The following PTPRD variants were observed in gnomAD, a reference collection of about 807,000 sequenced individuals.
PTPRD encodes receptor-type tyrosine-protein phosphatase delta.
PTPRD carries 34 observed loss-of-function variants against 214.5 expected under a neutral mutation model. That is an observed-to-expected ratio of 0.16 (90% CI 0.12 to 0.21). The LOEUF is 0.21. Among genes scored for constraint, PTPRD ranks in the 10% least tolerant of loss-of-function variants. The probability of loss-of-function intolerance (pLI) is 1.00; values close to 1 mark genes in which losing one functional copy is unlikely to be tolerated. For missense variants in PTPRD, 2,545 were observed against 2,398.7 expected (o/e 1.06, Z -1.27); for synonymous variants, 1,128 against 845.7 (o/e 1.33, Z -5.79).
At chr9:9,923,972 G>T (rs1269668112) in intron 5 of PTPRD, among the ~76,000 whole-genome samples, 2 of 151,680 alleles carry the variant, frequency 1.3e-5, no homozygotes, top group South Asian at 2.1e-4. Context: ...AACATATGAA[G>T]GATGGAATTA....
At chr9:9,139,997 T>C (rs2099857340) in intron 10 of PTPRD, among the ~76,000 whole-genome samples, 1 of 152,126 alleles carries the variant, frequency 6.6e-6, no homozygotes, top group Non-Finnish European at 1.5e-5. Context: ...ATTGTATATA[T>C]ACCTCCCGCT....
chr9:9,947,303 T>TA lies in PTPRD; in HGVS notation c.-471-8694_-471-8693insT, dbSNP rs1566613747. On this transcript the variant is annotated intron_variant, in intron 4 of 45. Transcript: ENST00000381196. Reference sequence around the variant, plus strand: ...ATGTGCTCTGGAGATTATATATATATTTTATATATATATTATATATATTAT... The same window carrying TA: ...ATGTGCTCTGGAGATTATATATATATATTTATATATATATTATATATATTAT... 3.1e-5 allele frequency among the ~76,000 whole-genome samples: 3 copies of TA among 95,962 alleles called. No homozygotes were observed. In the Admixed American group the frequency reaches 5.3e-4, roughly 17 times the overall value. The allele number at this position is 95,962 out of a possible 152,430, so 63.0% of individuals were successfully genotyped here.
chr9:9,244,610 T>A (rs2099972093), intron 9 of PTPRD, among the ~76,000 whole-genome samples: 2 of 152,164 alleles, frequency 1.3e-5, no homozygotes, highest in Admixed American at 1.3e-4. Flanking sequence ...CTGGAACCCT[T>A]CCTTACACCT....
intron 9 of PTPRD, among the ~76,000 whole-genome samples, chr9:9,284,806 T>A (rs1479929770): frequency 6.6e-6 from 1 of 151,756 alleles, no homozygotes; most frequent in East Asian, 2.0e-4. Flanking sequence ...ACCTTAACCT[T>A]TCCCAGCTTT....
chr9:10,574,832 A>ATATC lies in PTPRD; in HGVS notation c.-600+37565_-600+37566insGATA, dbSNP rs147563782. Among the ~76,000 whole-genome samples, 295 of 148,720 alleles carry ATATC rather than the reference A, an allele frequency of 2.0e-3. 1 individual carries two copies. The highest frequency in any genetic ancestry group is 7.0e-3 in the African/African-American group (284 of 40,390). On this transcript the variant is annotated intron_variant, in intron 2 of 45. Transcript: ENST00000381196. ...TGTGTGCATATATATATATATATAT[A>ATATC]TCTTAGATTCTCTTTCTTCCCCCCA...
At chr9:9,146,600 A>T (rs532522693) in intron 10 of PTPRD, among the ~76,000 whole-genome samples, 1 of 152,196 alleles carries the variant, frequency 6.6e-6, no homozygotes, top group East Asian at 1.9e-4. Flanking sequence ...GCTCGAAGGG[A>T]CCTTGGAGAT....
Position 8,404,640 on chromosome 9 carries a change from C to A in PTPRD, c.4107G>T (p.Gln1369His), listed in dbSNP as rs1263318118. Residue 1369 changes from glutamine (Q) to histidine (H), a missense_variant, in exon 36 of 46, where the codon CAG becomes CAT. Coordinates refer to ENST00000381196, the MANE Select transcript of PTPRD (RefSeq NM_002839.4). ...CCAAGTTTGAATGTTCCCAAGTGAA[C>A]TGCTGGCCAGGGTCAATTGACTTTA... ...QEYESIDPGQ[Q>H]FTWEHSNLEV... 5.6e-6 allele frequency: 9 copies of A among 1,611,642 alleles called. No individual in the cohort carries two copies. The highest frequency in any genetic ancestry group is 7.6e-6 in the Non-Finnish European group (9 of 1,178,260).
intron 8 of PTPRD, among the ~76,000 whole-genome samples, chr9:9,506,340 C>T (rs944976455): frequency 6.6e-6 from 1 of 151,332 alleles, no homozygotes; most frequent in Non-Finnish European, 1.5e-5. Context: ...AAAGGGAGAG[C>T]TTCAGGGAAG....
intron 2 of PTPRD, among the ~76,000 whole-genome samples, chr9:10,533,405 T>A (rs1157829017): frequency 6.6e-6 from 1 of 152,168 alleles, no homozygotes; most frequent in Admixed American, 6.6e-5. Flanking sequence ...ATATTGTGTC[T>A]TATTTGTAGA....
At chr9:8,681,309 T>G (rs182580097) in intron 12 of PTPRD, among the ~76,000 whole-genome samples, 2 of 152,172 alleles carry the variant, frequency 1.3e-5, no homozygotes, top group East Asian at 3.9e-4. Context: ...AAGAACATGC[T>G]TACTAATGCA....
intron 10 of PTPRD, among the ~76,000 whole-genome samples, chr9:9,111,703 G>A (rs1050463170): frequency 3.9e-5 from 6 of 152,074 alleles, no homozygotes; most frequent in African/African-American, 1.2e-4. Context: ...CACAAGATCT[G>A]AAATTATTTT....
intron 8 of PTPRD, among the ~76,000 whole-genome samples, chr9:9,514,868 C>T (rs1590357804): frequency 6.6e-6 from 1 of 151,984 alleles, no homozygotes; most frequent in Non-Finnish European, 1.5e-5. Context: ...TAGTTCTCTC[C>T]CTTTGGTGGT....
chr9:8,421,856 T>G (rs545282636), intron 35 of PTPRD, among the ~76,000 whole-genome samples: 2 of 150,972 alleles, frequency 1.3e-5, no homozygotes, highest in African/African-American at 4.9e-5. Flanking sequence ...TTTTTTTAAA[T>G]GGTGAATTTG....
At chr9:9,826,418 G>A (rs1478998255) in intron 5 of PTPRD, among the ~76,000 whole-genome samples, 3 of 151,814 alleles carry the variant, frequency 2.0e-5, no homozygotes, top group Admixed American at 2.0e-4. Context: ...CAATTTTGAA[G>A]TATTTTGAAG....
chr9:9,740,442 C>G (rs1356423430), intron 6 of PTPRD, among the ~76,000 whole-genome samples: 3 of 151,556 alleles, frequency 2.0e-5, no homozygotes, highest in Non-Finnish European at 4.4e-5. Context: ...ACTGCAAGCT[C>G]CGCCTCCCGG....
chr9:9,533,077 T>G (rs1333151660), intron 8 of PTPRD, among the ~76,000 whole-genome samples: 4 of 152,142 alleles, frequency 2.6e-5, no homozygotes, highest in Admixed American at 6.6e-5. Flanking sequence ...ATATAATAAG[T>G]GAGCAGCTTA....
intron 5 of PTPRD, among the ~76,000 whole-genome samples, chr9:9,915,246 AAACT>A (rs2080386847): frequency 6.6e-6 from 1 of 152,190 alleles, no homozygotes; most frequent in Non-Finnish European, 1.5e-5. Flanking sequence ...TTTCCATATG[AAACT>A]AACACCATAA....
At position 9,810,133 on chromosome 9, in the gene PTPRD, T is replaced by TA. The variant is rs3050106; in HGVS notation, c.-367-43283dup. Among the ~76,000 whole-genome samples the TA allele has an allele frequency of 5.2e-3, 568 of 108,488 alleles. 9 individuals are homozygous for TA. The highest frequency in any genetic ancestry group is 0.043 in the South Asian group (141 of 3,272). The allele number at this position is 108,488 out of a possible 152,430, so 71.2% of individuals were successfully genotyped here. A position where few individuals can be genotyped will look rare whatever the true frequency, so the allele number is the denominator to read the frequency against. On this transcript the variant is annotated intron_variant, in intron 5 of 45. Coordinates refer to ENST00000381196, the MANE Select transcript of PTPRD (RefSeq NM_002839.4). ...ACCCTATCATGATCTACTTCCAGGTTAAAAAAAAAAAAAAAAGCAAATATA... is the reference window on the plus strand; with the variant it reads ...ACCCTATCATGATCTACTTCCAGGTTAAAAAAAAAAAAAAAAAGCAAATATA...
rs187752251 is a variant in PTPRD at position 9,386,541 on chromosome 9, A to T, written c.-203+10908T>A. ...AAGTCTTCCAAGTCAATCATTTTGA[A>T]GACTAATATGCATTTTATAACAATG... On this transcript the variant is annotated intron_variant, in intron 9 of 45. Transcript: ENST00000381196. 1.1e-4 allele frequency among the ~76,000 whole-genome samples: 17 copies of T among 152,290 alleles called. No individual in the cohort carries two copies. In the East Asian group the frequency reaches 3.1e-3, roughly 28 times the overall value.
Sources: allele counts gnomAD v4.1 joint callset (sites outside exome capture counted in the v4.1 genomes callset), GRCh38; gene constraint gnomAD v4.1.1; transcripts MANE v1.5; gene names NCBI Gene and HGNC (gene_info 2026-07-23, HGNC 2026-07-21).